C6orf120: variants seen among roughly 807,000 people sequenced by gnomAD.
C6orf120 encodes the protein UPF0669 protein C6orf120.
For missense variants in C6orf120, 311 were observed against 264.2 expected (o/e 1.18, Z -1.23); for synonymous variants, 165 against 123.1 (o/e 1.34, Z -2.25).
chr6:169,704,330 T>C (rs1271699119), exon 1 of C6orf120: 1 of 438,572 alleles, frequency 2.3e-6, no homozygotes, highest in African/African-American at 2.1e-5. Flanking sequence ...CATACGGTGA[T>C]ACGGACCTTT....
chr6:169,702,713 T>A, exon 1 of C6orf120: 1 of 1,613,528 alleles, frequency 6.2e-7, no homozygotes, highest in Non-Finnish European at 8.5e-7. Context: ...GCCAGCAGCC[T>A]GCACCCCAGC....
At chr6:169,705,097 C>T (rs1489597614), downstream of C6orf120, 12 of 1,519,712 alleles carry the variant, frequency 7.9e-6, no homozygotes, top group Non-Finnish European at 1.1e-5. Context: ...AGTCTCATCA[C>T]CCAAAGATAA....
At chr6:169,703,382 T>C (rs1311485780) in exon 1 of C6orf120, 1 of 277,430 alleles carries the variant, frequency 3.6e-6, no homozygotes. Flanking sequence ...ACTTTGTAAT[T>C]TTACTCTGGA....
exon 1 of C6orf120, chr6:169,702,936 G>T: frequency 6.2e-7 from 1 of 1,612,022 alleles, no homozygotes. Context: ...CCGGCCAGAA[G>T]CACGCTGGTG....
chr6:169,702,942 T>C (rs748860486), exon 1 of C6orf120: 2 of 1,611,636 alleles, frequency 1.2e-6, no homozygotes, highest in East Asian at 4.5e-5. Flanking sequence ...AGAAGCACGC[T>C]GGTGCCCCGG....
downstream of C6orf120, chr6:169,705,505 TG>T (rs1788751906): frequency 1.3e-5 from 10 of 755,658 alleles, no homozygotes; most frequent in Non-Finnish European, 1.6e-5. Context: ...AGCTACCCTG[TG>T]TATTTAATTT....
chr6:169,702,871 A>G (rs1788464303), exon 1 of C6orf120: 2 of 1,611,886 alleles, frequency 1.2e-6, no homozygotes, highest in African/African-American at 1.3e-5. Flanking sequence ...CTACGACGGC[A>G]CGGTCGAGCA....
At chr6:169,704,372 A>G in exon 1 of C6orf120, 1 of 371,152 alleles carries the variant, frequency 2.7e-6, no homozygotes, top group Non-Finnish European at 5.0e-6. Context: ...AAATTCAAAC[A>G]CTATCATACT....
At chr6:169,704,992 C>A (rs879064523), downstream of C6orf120, 3 of 538,386 alleles carry the variant, frequency 5.6e-6, no homozygotes, top group Non-Finnish European at 9.7e-6. Flanking sequence ...TGGACATGAC[C>A]TGTATAATCA....
At chr6:169,702,876 C>T (rs2128327088) in exon 1 of C6orf120, 2 of 1,612,052 alleles carry the variant, frequency 1.2e-6, no homozygotes, top group East Asian at 4.5e-5. Flanking sequence ...ACGGCACGGT[C>T]GAGCAGCACC....
rs140825392 is a variant in C6orf120, at chr6:169,704,394, A to G, written c.*1359A>G. The G allele has an allele frequency of 7.3e-4, 238 of 324,908 alleles. 2 individuals are homozygous for G. The East Asian group carries it at 0.011, about 15-fold the overall frequency. 20.1% of individuals were successfully genotyped at this position (324,908 alleles called of 1,614,324 possible). On this transcript the variant is annotated 3_prime_UTR_variant, in exon 1 of 1. Transcript: ENST00000332290. ...AACACTATCATACTTCAAAAGGTCA[A>G]AACCCATTCCGGAATTTGGCTTTTT...
exon 1 of C6orf120, chr6:169,702,689 A>C (rs757370278): frequency 9.9e-6 from 16 of 1,613,360 alleles, no homozygotes; most frequent in South Asian, 4.4e-5. Flanking sequence ...GGAGATGCGG[A>C]TCTGTACGTC....
downstream of C6orf120, chr6:169,705,236 G>A: frequency 6.2e-7 from 1 of 1,612,482 alleles, no homozygotes; most frequent in South Asian, 1.1e-5. Flanking sequence ...CACATATAAT[G>A]CATGTTTTAC....
exon 1 of C6orf120, chr6:169,703,504 A>G (rs1788582229): frequency 4.9e-6 from 1 of 204,684 alleles, no homozygotes; most frequent in African/African-American, 2.4e-5. Context: ...TACCCCAAGT[A>G]GGTGATGGTA....
chr6:169,704,366 T>G (rs1768650641), exon 1 of C6orf120: 2 of 384,418 alleles, frequency 5.2e-6, no homozygotes, highest in Non-Finnish European at 9.5e-6. Flanking sequence ...TTCCTGAAAT[T>G]CAAACACTAT....
downstream of C6orf120, chr6:169,705,692 A>C (rs1378291647): frequency 6.3e-7 from 1 of 1,588,200 alleles, no homozygotes; most frequent in Non-Finnish European, 8.6e-7. Flanking sequence ...CCTTCAGACA[A>C]ATTCCACATA....
downstream of C6orf120, among the ~76,000 whole-genome samples, chr6:169,705,990 T>G (rs992673621): frequency 1.3e-5 from 2 of 152,188 alleles, no homozygotes; most frequent in Non-Finnish European, 2.9e-5. Flanking sequence ...ACAGTAAGAT[T>G]TGTTTAATGA....
upstream of C6orf120, chr6:169,702,162 G>A (rs1788290761): frequency 4.7e-6 from 3 of 635,622 alleles, no homozygotes; most frequent in South Asian, 1.5e-5. Flanking sequence ...CTCGGGTCCG[G>A]ATGTATAAAG....
chr6:169,704,730 A>T (rs1788713132), exon 1 of C6orf120: 1 of 173,652 alleles, frequency 5.8e-6, no homozygotes, highest in Admixed American at 6.5e-5. Flanking sequence ...TCTGTTCTAA[A>T]GTTATCTGGA....
Sources: gnomAD v4.1 joint callset for allele counts (sites outside exome capture counted in the v4.1 genomes callset) on GRCh38, gnomAD v4.1.1 for gene constraint, MANE v1.5 for transcripts, NCBI Gene and HGNC (gene_info 2026-07-23, HGNC 2026-07-21) for gene names.